The following KPNA3 variants were observed in gnomAD, a reference collection of about 807,000 sequenced individuals.
KPNA3 encodes the protein importin subunit alpha-4.
KPNA3 carries 13 observed loss-of-function variants against 73.8 expected under a neutral mutation model. The ratio of observed to expected loss-of-function variants is 0.18; its 90% CI spans 0.11 to 0.28. KPNA3 has a LOEUF of 0.28. Ranked by LOEUF, KPNA3 falls within the 10% of genes least tolerant of loss-of-function variation. KPNA3 has a pLI of 1.00. For synonymous variants in KPNA3, 186 were observed against 206.9 expected (o/e 0.90, Z 0.87); for missense variants, 360 against 618.1 (o/e 0.58, Z 4.43).
chr13:49,731,870 G>A (rs1053869238), intron 6 of KPNA3, among the ~76,000 whole-genome samples: 1 of 152,136 alleles, frequency 6.6e-6, no homozygotes, highest in Non-Finnish European at 1.5e-5. Context: ...TTAATTTGCA[G>A]CAAACAAAAA....
chr13:49,743,412 T>C (rs966864221), intron 2 of KPNA3, among the ~76,000 whole-genome samples: 4 of 152,130 alleles, frequency 2.6e-5, no homozygotes, highest in African/African-American at 9.7e-5. Flanking sequence ...TGAATAAACT[T>C]CAGGCGTTGT....
chr13:49,724,678 C>T (rs1294334623), intron 7 of KPNA3, among the ~76,000 whole-genome samples: 1 of 152,010 alleles, frequency 6.6e-6, no homozygotes, highest in Admixed American at 6.6e-5. Context: ...CTCACTGCAA[C>T]CTCTGCCTCC....
chr13:49,707,070 A>T (rs1265444500), intron 12 of KPNA3, among the ~76,000 whole-genome samples: 2 of 152,140 alleles, frequency 1.3e-5, no homozygotes, highest in Non-Finnish European at 2.9e-5. Flanking sequence ...GAATTTCTAA[A>T]ACTACTTAAA....
At chr13:49,734,484 G>A (rs938404448) in intron 2 of KPNA3, among the ~76,000 whole-genome samples, 2 of 152,012 alleles carry the variant, frequency 1.3e-5, no homozygotes, top group Non-Finnish European at 2.9e-5. Context: ...AAAAAGAAAA[G>A]AAAAACAAAT....
At chr13:49,759,775 T>C (rs1954743057) in intron 1 of KPNA3, among the ~76,000 whole-genome samples, 1 of 152,202 alleles carries the variant, frequency 6.6e-6, no homozygotes, top group Admixed American at 6.5e-5. Context: ...CTTCACTTGC[T>C]TGCCTGCTGC....
At chr13:49,762,083 C>T (rs1954768873) in intron 1 of KPNA3, among the ~76,000 whole-genome samples, 1 of 151,482 alleles carries the variant, frequency 6.6e-6, no homozygotes. Flanking sequence ...CTCCGCCCGG[C>T]AGACGCCCCA....
intron 2 of KPNA3, among the ~76,000 whole-genome samples, chr13:49,740,996 A>C (rs1428088272): frequency 2.0e-5 from 3 of 152,170 alleles, no homozygotes; most frequent in Non-Finnish European, 4.4e-5. Context: ...TTTAAGGCTA[A>C]AAAGTATTCC....
chr13:49,782,832 A>G (rs1220806388), intron 1 of KPNA3, among the ~76,000 whole-genome samples: 1 of 152,106 alleles, frequency 6.6e-6, no homozygotes, highest in Non-Finnish European at 1.5e-5. Context: ...ACTGTACTCC[A>G]GCCTGGGTGA....
chr13:49,763,528 C>T (rs1294611094), intron 1 of KPNA3, among the ~76,000 whole-genome samples: 3 of 152,174 alleles, frequency 2.0e-5, no homozygotes, highest in Non-Finnish European at 4.4e-5. Flanking sequence ...CAATAAACCA[C>T]AGATTCAAGA....
In KPNA3 at chr13:49,728,022, T is replaced by C. The variant is rs1253844760; in HGVS notation, c.384-2521A>G. On this transcript the variant is annotated intron_variant, in intron 6 of 16. Coordinates refer to ENST00000261667, the MANE Select transcript of KPNA3 (RefSeq NM_002267.4). ...AGGCTGAGGCAGGCGGATCACGAGG[T>C]AAGGAGATCGAGACCATCCTGGCTA... Among the ~76,000 whole-genome samples, 3 of 151,526 alleles carry C rather than the reference T, an allele frequency of 2.0e-5. 1 individual carries two copies. The highest frequency in any genetic ancestry group is 4.4e-5 in the Non-Finnish European group (3 of 67,890).
chr13:49,792,142 G>A (rs951790576), intron 1 of KPNA3, among the ~76,000 whole-genome samples: 7 of 152,068 alleles, frequency 4.6e-5, no homozygotes, highest in African/African-American at 1.7e-4. Context: ...CCTGGCCCGC[G>A]GACCCCGCCT....
intron 15 of KPNA3, among the ~76,000 whole-genome samples, chr13:49,705,113 C>T (rs1262410003): frequency 6.6e-6 from 1 of 152,132 alleles, no homozygotes; most frequent in East Asian, 1.9e-4. Flanking sequence ...AATCCCAGCA[C>T]TTTGGGACGC....
rs184205769 is a variant in KPNA3, at chr13:49,750,472, G to A, written c.70-3479C>T. On this transcript the variant is annotated intron_variant, in intron 1 of 16. Coordinates refer to ENST00000261667, the MANE Select transcript of KPNA3 (RefSeq NM_002267.4). ...ATGCTCAGCTGATTTTTCATTTTTT[G>A]TAGAGGTAGTATCTCATTGTGCTCA... is the stretch of plus-strand genomic sequence containing the variant. Among the ~76,000 whole-genome samples, 47 of 152,042 alleles carry A rather than the reference G, an allele frequency of 3.1e-4. No individual in the cohort carries two copies. The East Asian group carries it at 8.5e-3, about 28-fold the overall frequency.
chr13:49,739,244 A>T (rs1442968993), intron 2 of KPNA3, among the ~76,000 whole-genome samples: 1 of 152,202 alleles, frequency 6.6e-6, no homozygotes, highest in African/African-American at 2.4e-5. Flanking sequence ...CTGACCAATC[A>T]TCAAGAAAAG....
intron 2 of KPNA3, among the ~76,000 whole-genome samples, chr13:49,746,317 G>A: frequency 6.6e-6 from 1 of 150,818 alleles, no homozygotes; most frequent in East Asian, 1.9e-4. Flanking sequence ...GGGTGTGGTG[G>A]TGTGCCTGTA....
At chr13:49,784,344 G>A (rs1423965049) in intron 1 of KPNA3, among the ~76,000 whole-genome samples, 1 of 152,130 alleles carries the variant, frequency 6.6e-6, no homozygotes, top group Non-Finnish European at 1.5e-5. Flanking sequence ...GACAAACCCA[G>A]TAATTAGGAC....
chr13:49,709,340 G>A (rs1954237254), intron 12 of KPNA3, among the ~76,000 whole-genome samples: 1 of 150,730 alleles, frequency 6.6e-6, no homozygotes, highest in African/African-American at 2.4e-5. Flanking sequence ...GGCAGAGGTT[G>A]CAGTGAGCCG....
chr13:49,708,433 A>T (rs1025237674), intron 12 of KPNA3, among the ~76,000 whole-genome samples: 1 of 152,210 alleles, frequency 6.6e-6, no homozygotes, highest in Non-Finnish European at 1.5e-5. Context: ...GTGGGAATGT[A>T]AAACAGTGCA....
chr13:49,746,922 TTTTC>T lies in KPNA3; in HGVS notation c.114+23_114+26del, dbSNP rs1566348907. On this transcript the variant is annotated intron_variant, in intron 2 of 16. Coordinates refer to ENST00000261667, the MANE Select transcript of KPNA3 (RefSeq NM_002267.4). The stretch of plus-strand genomic sequence containing the variant: ...TTTAACATCAGAAAAATCTAATTAC[TTTTC>T]TTTAAATGTAAATCAACCTTACCTT... The T allele has an allele frequency of 2.6e-6, 4 of 1,558,242 alleles. No homozygotes were observed. In the South Asian group the frequency reaches 4.5e-5, roughly 17 times the overall value.
Sources: allele counts gnomAD v4.1 joint callset (sites outside exome capture counted in the v4.1 genomes callset), GRCh38; gene constraint gnomAD v4.1.1; transcripts MANE v1.5; gene names NCBI Gene and HGNC (gene_info 2026-07-23, HGNC 2026-07-21).